The following CNTNAP3B variants were observed in gnomAD, a reference collection of about 807,000 sequenced individuals.
The protein encoded by CNTNAP3B is contactin-associated protein-like 3B.
In CNTNAP3B, 25 loss-of-function variants were observed where a neutral mutation model predicts 108.9. That is an observed-to-expected ratio of 0.23 (90% CI 0.17 to 0.32). The LOEUF (loss-of-function observed/expected upper bound fraction) is 0.32, where lower values mean the gene tolerates loss of function less well. Ranked by LOEUF, CNTNAP3B falls within the 10% of genes least tolerant of loss-of-function variation. The pLI is 1.00. For missense variants in CNTNAP3B, 252 were observed against 1,210.4 expected, an observed-to-expected ratio of 0.21 and a Z score of 11.75; for synonymous variants, 103 against 473.4, an observed-to-expected ratio of 0.22 and a Z score of 10.16.
chr9:42,035,995 C>A (rs1439437916), intron 3 of CNTNAP3B, among the ~76,000 whole-genome samples: 1 of 145,004 alleles, frequency 6.9e-6, no homozygotes, highest in Non-Finnish European at 1.5e-5. Flanking sequence ...GTAGTCCCAG[C>A]TACTCGGGAG....
chr9:42,037,157 A>T (rs868096422), intron 3 of CNTNAP3B, among the ~76,000 whole-genome samples: 1,987 of 145,086 alleles, frequency 0.014, 19 homozygotes, highest in African/African-American at 0.052. Flanking sequence ...CTTCAAAGGA[A>T]TGCAGCTCCT....
chr9:42,124,087 T>C lies in CNTNAP3B; in HGVS notation c.85+4923A>G, dbSNP rs1330001118. On this transcript the variant is annotated intron_variant, in intron 1 of 23. Coordinates refer to ENST00000377561, the MANE Select transcript of CNTNAP3B (RefSeq NM_001201380.3). ...GTAATTTAATTCTTAGCAATAATTT[T>C]AATTGCTGCCTAATTAAGTAGGCAT... Among the ~76,000 whole-genome samples the C allele has an allele frequency of 2.2e-5, 3 of 138,598 alleles. 1 individual carries two copies. Among genetic ancestry groups the C allele is most frequent in the African/African-American group, 8.6e-5 (3 of 34,822 alleles). The allele number at this position is 138,598 out of a possible 152,430, so 90.9% of individuals were successfully genotyped here. A position where few individuals can be genotyped will look rare whatever the true frequency, so the allele number is the denominator to read the frequency against.
intron 3 of CNTNAP3B, among the ~76,000 whole-genome samples, chr9:42,028,777 T>C (rs1446881087): frequency 2.0e-5 from 3 of 150,356 alleles, no homozygotes; most frequent in South Asian, 4.2e-4. Flanking sequence ...ATGCTTAGCA[T>C]TTATAAGAAA....
intron 2 of CNTNAP3B, among the ~76,000 whole-genome samples, chr9:42,083,248 AC>A (rs1350386675): frequency 1.2e-5 from 1 of 84,668 alleles, no homozygotes; most frequent in Non-Finnish European, 2.3e-5. Context: ...AGATTCTAGC[AC>A]CCCGTCTCAG....
At chr9:41,939,511 AC>A (rs1335771754) in intron 13 of CNTNAP3B, among the ~76,000 whole-genome samples, 5 of 152,258 alleles carry the variant, frequency 3.3e-5, no homozygotes, top group Non-Finnish European at 7.3e-5. Context: ...AACAAAAAAA[AC>A]AACGAAAAAA....
chr9:42,001,662 A>G (rs78556136), intron 4 of CNTNAP3B, among the ~76,000 whole-genome samples: 10,068 of 74,344 alleles, frequency 0.14, 1,235 homozygotes, highest in East Asian at 0.29. Flanking sequence ...TTTTCAGAAT[A>G]AAAGCCTTGC....
chr9:41,915,845 T>C (rs1175252995), intron 18 of CNTNAP3B, among the ~76,000 whole-genome samples: 44 of 151,286 alleles, frequency 2.9e-4, no homozygotes, highest in African/African-American at 8.0e-4. Context: ...CTACTAGGTT[T>C]TGGTATATAG....
intron 2 of CNTNAP3B, among the ~76,000 whole-genome samples, chr9:42,096,345 T>C (rs1308483490): frequency 7.1e-6 from 1 of 140,492 alleles, no homozygotes; most frequent in African/African-American, 2.8e-5. Context: ...GGGTTCCTAG[T>C]CTGCGAGATA....
chr9:41,927,775 A>G (rs1200610119), intron 15 of CNTNAP3B, among the ~76,000 whole-genome samples: 1 of 152,230 alleles, frequency 6.6e-6, no homozygotes, highest in Non-Finnish European at 1.5e-5. Context: ...GAAATCGGAA[A>G]TATCTGGAAA....
At chr9:41,943,650 A>C (rs62536524) in intron 13 of CNTNAP3B, among the ~76,000 whole-genome samples, 1 of 147,984 alleles carries the variant, frequency 6.8e-6, no homozygotes, top group African/African-American at 2.5e-5. Context: ...CACCGCGCCC[A>C]GCCCTGTTGG....
chr9:41,934,130 C>CACAT (rs1491259532), intron 14 of CNTNAP3B, among the ~76,000 whole-genome samples: 2,780 of 116,132 alleles, frequency 0.024, 31 homozygotes, highest in East Asian at 0.18. Context: ...TATACACACA[C>CACAT]ATATATATAT....
intron 9 of CNTNAP3B, chr9:41,979,882 T>TG (rs1825592713): frequency 8.0e-6 from 1 of 125,670 alleles, no homozygotes; most frequent in African/African-American, 3.8e-5. Context: ...GGCCACCACC[T>TG]AAGATATATA....
chr9:41,950,795 C>G (rs1467365487), intron 13 of CNTNAP3B, among the ~76,000 whole-genome samples: 1 of 112,290 alleles, frequency 8.9e-6, no homozygotes, highest in Non-Finnish European at 1.7e-5. Flanking sequence ...GAGTCTTGCT[C>G]TGTCGCCCAG....
chr9:42,041,493 A>T (rs1826752730), intron 3 of CNTNAP3B, among the ~76,000 whole-genome samples: 1 of 148,178 alleles, frequency 6.7e-6, no homozygotes. Context: ...AAAAATGCCC[A>T]TCATCACTGG....
At chr9:41,944,014 G>A (rs1482308970) in intron 13 of CNTNAP3B, among the ~76,000 whole-genome samples, 1 of 152,100 alleles carries the variant, frequency 6.6e-6, no homozygotes, top group Non-Finnish European at 1.5e-5. Flanking sequence ...AAGAAACCAT[G>A]CAAGCAAGAA....
In CNTNAP3B at chr9:42,096,180, G is replaced by A. The variant is rs540711578; in HGVS notation, c.196+8449C>T. 4.5e-4 allele frequency among the ~76,000 whole-genome samples: 62 copies of A among 139,252 alleles called. 11 individuals are homozygous for A. Among genetic ancestry groups the A allele is most frequent in the African/African-American group, 9.1e-4 (32 of 35,102 alleles). 91.4% of individuals were successfully genotyped at this position (139,252 alleles called of 152,430 possible). On this transcript the variant is annotated intron_variant, in intron 2 of 23. Coordinates refer to ENST00000377561, the MANE Select transcript of CNTNAP3B (RefSeq NM_001201380.3). ...GTGCAGGCTGCTCTTGGAGACTGGC[G>A]TTCTCCTTTCCACTACACACTTGAG...
chr9:41,931,250 G>T (rs1285984866), intron 14 of CNTNAP3B, among the ~76,000 whole-genome samples: 1 of 152,252 alleles, frequency 6.6e-6, no homozygotes, highest in Non-Finnish European at 1.5e-5. Flanking sequence ...TTTGATACTA[G>T]AATACAATGC....
At chr9:42,020,484 T>C (rs1294550929) in intron 3 of CNTNAP3B, among the ~76,000 whole-genome samples, 1 of 145,192 alleles carries the variant, frequency 6.9e-6, no homozygotes, top group East Asian at 2.1e-4. Context: ...GATTTCCTTA[T>C]TATAATTATA....
intron 13 of CNTNAP3B, among the ~76,000 whole-genome samples, chr9:41,942,201 C>A (rs113731275): frequency 1.3e-5 from 2 of 152,364 alleles, no homozygotes; most frequent in African/African-American, 2.4e-5. Context: ...TCTGGCCGGG[C>A]GCGGTGGCTC....
Sources: allele counts gnomAD v4.1 joint callset (sites outside exome capture counted in the v4.1 genomes callset), GRCh38; gene constraint gnomAD v4.1.1; transcripts MANE v1.5; gene names NCBI Gene and HGNC (gene_info 2026-07-23, HGNC 2026-07-21).